Variants in SPSB4 observed in about 807,000 individuals in gnomAD.
SPSB4 encodes SPRY domain-containing SOCS box protein 4.
SPSB4 carries 21 observed loss-of-function variants against 20.9 expected under a neutral mutation model. The observed-to-expected ratio is 1.01, with a 90% CI of 0.71 to 1.45. SPSB4 has a LOEUF of 1.45. Ranked by LOEUF, SPSB4 falls within the 40% of genes most tolerant of loss-of-function variation. The pLI, the probability that SPSB4 is intolerant of heterozygous loss-of-function variation, is 0.00. For missense variants in SPSB4, 399 were observed against 399.2 expected (o/e 1.00, Z 0.00); for synonymous variants, 207 against 183.8 (o/e 1.13, Z -1.02).
At chr3:141,066,863 G>A in intron 2 of SPSB4, 65 bp downstream of exon 2, 4 of 1,444,758 alleles carry the variant, frequency 2.8e-6, no homozygotes, top group South Asian at 1.6e-5. Flanking sequence ...AAGCTGGGCA[G>A]GCCACACCTC....
chr3:141,087,281 T>A (rs752959273), intron 2 of SPSB4, among the ~76,000 whole-genome samples: 78 of 152,196 alleles, frequency 5.1e-4, no homozygotes, highest in Admixed American at 1.0e-3. Context: ...AGCATGAGGC[T>A]GCAGAATTTA....
intron 2 of SPSB4, among the ~76,000 whole-genome samples, chr3:141,144,199 TATC>T (rs749638263): frequency 6.6e-6 from 1 of 152,246 alleles, no homozygotes; most frequent in Non-Finnish European, 1.5e-5. Flanking sequence ...GGAAAGAGGA[TATC>T]ATCATTTTAG....
At chr3:141,087,279 G>A (rs1055888904) in intron 2 of SPSB4, among the ~76,000 whole-genome samples, 2 of 152,208 alleles carry the variant, frequency 1.3e-5, no homozygotes, top group Non-Finnish European at 2.9e-5. Flanking sequence ...GGAGCATGAG[G>A]CTGCAGAATT....
At position 141,136,223 on chromosome 3, in the gene SPSB4, T is replaced by A. The variant is rs544432031; in HGVS notation, c.695-10919T>A. ...CTTGAAAATTTGTTTGAGTTCTTTG[T>A]AGATTCTGGTTATTAGCCCTATGTC... On this transcript the variant is annotated intron_variant, in intron 2 of 2. Transcript: ENST00000310546. 9.3e-4 allele frequency among the ~76,000 whole-genome samples: 141 copies of A among 152,350 alleles called. 1 individual carries two copies. The highest frequency in any genetic ancestry group is 8.4e-4 in the Non-Finnish European group (57 of 68,036).
chr3:141,120,435 C>T (rs1467595850), intron 2 of SPSB4, among the ~76,000 whole-genome samples: 1 of 152,110 alleles, frequency 6.6e-6, no homozygotes, highest in East Asian at 1.9e-4. Flanking sequence ...ATTAGGTCCA[C>T]TTGGTCCAGA....
At chr3:141,083,625 G>T (rs187311374) in intron 2 of SPSB4, among the ~76,000 whole-genome samples, 47 of 152,134 alleles carry the variant, frequency 3.1e-4, no homozygotes, top group Non-Finnish European at 5.7e-4. Context: ...TGCTTGTGCT[G>T]TGCTCCCTGC....
At chr3:141,069,917 T>G (rs75155932) in intron 2 of SPSB4, among the ~76,000 whole-genome samples, 6,507 of 152,180 alleles carry the variant, frequency 0.043, 477 homozygotes, top group African/African-American at 0.15. Context: ...TTTATTACGG[T>G]AAAAGCAAGA....
intron 2 of SPSB4, among the ~76,000 whole-genome samples, chr3:141,128,239 G>A (rs141731861): frequency 9.8e-4 from 150 of 152,296 alleles, no homozygotes; most frequent in African/African-American, 3.3e-3. Flanking sequence ...TGGCTGGATG[G>A]AGGAGAGAGT....
chr3:141,052,136 G>A (rs143609555), intron 1 of SPSB4, 144 bp downstream of exon 1: 2,685 of 152,554 alleles, frequency 0.018, 37 homozygotes, highest in Non-Finnish European at 0.025. Flanking sequence ...GCAGGTTGTG[G>A]CAGTTCGAGA....
chr3:141,064,975 T>C (rs531984531), intron 1 of SPSB4, among the ~76,000 whole-genome samples: 1 of 152,196 alleles, frequency 6.6e-6, no homozygotes, highest in African/African-American at 2.4e-5. Context: ...GGGATCCACA[T>C]GGGATGCCCA....
chr3:141,140,522 T>C (rs552618259), intron 2 of SPSB4, among the ~76,000 whole-genome samples: 1 of 152,352 alleles, frequency 6.6e-6, no homozygotes, highest in East Asian at 1.9e-4. Context: ...GTGGATGTCC[T>C]TTCTCTTTGT....
rs936279840 is a variant in SPSB4 at position 141,135,403 on chromosome 3, T to G, written c.695-11739T>G. 2.0e-5 allele frequency among the ~76,000 whole-genome samples: 3 copies of G among 152,038 alleles called. No homozygotes were observed. The East Asian group carries it at 5.8e-4, about 29-fold the overall frequency. ...TATACATGTGCACAACGTGCAGGTTTGTTACATATGTATACATGTGCCATG... is the reference window on the plus strand; with the variant it reads ...TATACATGTGCACAACGTGCAGGTTGGTTACATATGTATACATGTGCCATG... On this transcript the variant is annotated intron_variant, in intron 2 of 2. Coordinates refer to ENST00000310546, the MANE Select transcript of SPSB4 (RefSeq NM_080862.3).
intron 2 of SPSB4, among the ~76,000 whole-genome samples, chr3:141,140,439 G>GT (rs1331260040): frequency 6.6e-6 from 1 of 152,132 alleles, no homozygotes; most frequent in South Asian, 2.1e-4. Context: ...TTTCTGCTCT[G>GT]TTTTTTCCCC....
intron 2 of SPSB4, among the ~76,000 whole-genome samples, chr3:141,113,939 T>A (rs1938845667): frequency 6.6e-6 from 1 of 152,084 alleles, no homozygotes; most frequent in African/African-American, 2.4e-5. Context: ...CTACAAAAAA[T>A]TAGCCAGACA....
intron 2 of SPSB4, among the ~76,000 whole-genome samples, chr3:141,088,604 C>G (rs565564933): frequency 6.6e-6 from 1 of 152,300 alleles, no homozygotes; most frequent in Non-Finnish European, 1.5e-5. Context: ...GAGTTAACAC[C>G]CTTGGGGATA....
chr3:141,053,017 C>A (rs940449499), intron 1 of SPSB4, among the ~76,000 whole-genome samples: 2 of 152,180 alleles, frequency 1.3e-5, no homozygotes, highest in East Asian at 3.9e-4. Flanking sequence ...GGAGAGTTCT[C>A]AGTTCTGGAG....
rs974536652 is a variant in SPSB4, at chr3:141,148,457, C to T, written c.*1188C>T. The T allele has an allele frequency of 6.5e-6, 1 of 152,786 alleles. No individual in the cohort carries two copies. The highest frequency in any genetic ancestry group is 2.1e-4 in the South Asian group (1 of 4,822). 9.5% of individuals were successfully genotyped at this position (152,786 alleles called of 1,614,324 possible). On this transcript the variant is annotated 3_prime_UTR_variant, in exon 3 of 3. Transcript: ENST00000310546. The surrounding 1 kb of genome is among the most constrained non-coding windows in gnomAD (Gnocchi z 4.5). ...TTATATGTTTCAGACACTCTCTGCC[C>T]AGACTCATTTTTAACTGGAAATCAT...
At chr3:141,138,460 T>C (rs1262947967) in intron 2 of SPSB4, among the ~76,000 whole-genome samples, 1 of 152,214 alleles carries the variant, frequency 6.6e-6, no homozygotes, top group Non-Finnish European at 1.5e-5. Context: ...CTGCTTTCTC[T>C]TGTGGGCATT....
rs756196329 is a variant in SPSB4 at position 141,147,183 on chromosome 3, C to T, written c.736C>T (p.Arg246Cys). ...GATGGACCTGTGCCGGAGATCCATC[C>T]GCTCGGCCCTGGGCCGCCAGCGCCT... ...PLMDLCRRSI[R>C]SALGRQRLQD... Residue 246 changes from arginine to cysteine, a missense_variant, in exon 3 of 3, where the codon CGC (arginine) becomes TGC (cysteine). Arg to Cys is a radical substitution (Grantham distance 180). Transcript: ENST00000310546. 9.3e-6 allele frequency: 15 copies of T among 1,614,212 alleles called. No individual in the cohort carries two copies. The highest frequency in any genetic ancestry group is 6.7e-5 in the East Asian group (3 of 44,886).
Sources: allele counts gnomAD v4.1 joint callset (sites outside exome capture counted in the v4.1 genomes callset), GRCh38; gene constraint gnomAD v4.1.1; non-coding constraint Gnocchi (gnomAD v3.1); transcripts MANE v1.5; gene names NCBI Gene and HGNC (gene_info 2026-07-23, HGNC 2026-07-21).